Variants in GFRA1 observed in about 807,000 individuals in gnomAD.
GFRA1 encodes GDNF family receptor alpha-1.
In GFRA1, 16 loss-of-function variants were observed where a neutral mutation model predicts 51.6. The observed-to-expected ratio is 0.31, with a 90% CI of 0.21 to 0.47. GFRA1 has a LOEUF of 0.47. Ranked by LOEUF, GFRA1 falls within the 20% of genes least tolerant of loss-of-function variation. GFRA1 has a pLI of 1.00. For missense variants in GFRA1, 530 were observed against 594.3 expected, an observed-to-expected ratio of 0.89 and a Z score of 1.13; for synonymous variants, 270 against 241.3, an observed-to-expected ratio of 1.12 and a Z score of -1.10.
At chr10:116,088,085 C>G (rs1956172283) in intron 9 of GFRA1, among the ~76,000 whole-genome samples, 1 of 152,058 alleles carries the variant, frequency 6.6e-6, no homozygotes, top group Admixed American at 6.6e-5. Context: ...GACTGTGTGT[C>G]TGGGATGGAG....
chr10:116,142,715 TA>T (rs1958623957), intron 5 of GFRA1, among the ~76,000 whole-genome samples: 1 of 152,160 alleles, frequency 6.6e-6, no homozygotes, highest in Admixed American at 6.5e-5. Context: ...AACTATTGAT[TA>T]ATAATGTTTC....
intron 6 of GFRA1, among the ~76,000 whole-genome samples, chr10:116,100,194 C>A (rs555973971): frequency 6.6e-6 from 1 of 152,212 alleles, no homozygotes; most frequent in Non-Finnish European, 1.5e-5. Context: ...TAATCACACT[C>A]ACAGTAAGAC....
chr10:116,073,758 A>T (rs1442428562), intron 9 of GFRA1, among the ~76,000 whole-genome samples: 1 of 152,130 alleles, frequency 6.6e-6, no homozygotes, highest in Non-Finnish European at 1.5e-5. Context: ...TCACCATCAG[A>T]TAATATTTAT....
chr10:116,236,919 G>T (rs781751452), intron 4 of GFRA1, among the ~76,000 whole-genome samples: 1 of 152,154 alleles, frequency 6.6e-6, no homozygotes, highest in African/African-American at 2.4e-5. Flanking sequence ...AATGTAACCC[G>T]CATGCTTATT....
chr10:116,063,985 A>G lies in GFRA1; in HGVS notation c.*413T>C, dbSNP rs1468322318. ...TTAAAGGAGATATGGGAGTTACCTT[A>G]GAAATATTAACTCCTTCTCTAGCTA... On this transcript the variant is annotated 3_prime_UTR_variant, in exon 11 of 11. Transcript: ENST00000355422. 4 of 185,772 alleles carry G rather than the reference A, an allele frequency of 2.2e-5. No homozygotes were observed. Among genetic ancestry groups the G allele is most frequent in the Non-Finnish European group, 4.5e-5 (4 of 88,598 alleles). The allele number at this position is 185,772 out of a possible 1,614,324, so 11.5% of individuals were successfully genotyped here.
chr10:116,206,754 T>G (rs1964801479), intron 5 of GFRA1, among the ~76,000 whole-genome samples: 1 of 147,218 alleles, frequency 6.8e-6, no homozygotes, highest in African/African-American at 2.5e-5. Context: ...TTCCTCAGCC[T>G]CCCGAGTAGC....
intron 9 of GFRA1, among the ~76,000 whole-genome samples, chr10:116,080,451 TA>T (rs1400590144): frequency 2.0e-5 from 3 of 152,194 alleles, no homozygotes; most frequent in Non-Finnish European, 4.4e-5. Context: ...ACCATTAAAG[TA>T]CTTGTGTAAC....
intron 5 of GFRA1, among the ~76,000 whole-genome samples, chr10:116,174,074 C>T (rs574698728): frequency 1.3e-4 from 19 of 151,824 alleles, no homozygotes; most frequent in Admixed American, 9.8e-4. Flanking sequence ...GAGCGAAACT[C>T]CATTTCAAAA....
chr10:116,244,513 A>C (rs924515345), intron 4 of GFRA1, among the ~76,000 whole-genome samples: 1 of 148,146 alleles, frequency 6.8e-6, no homozygotes, highest in African/African-American at 2.4e-5. Context: ...CCTATATATA[A>C]AAATATATAA....
intron 4 of GFRA1, among the ~76,000 whole-genome samples, chr10:116,240,783 C>G (rs1033419702): frequency 1.3e-5 from 2 of 152,118 alleles, no homozygotes; most frequent in Non-Finnish European, 2.9e-5. Flanking sequence ...TGGGCTGTCT[C>G]GACAAACATC....
chr10:116,268,063 G>C (rs952354598), intron 4 of GFRA1, among the ~76,000 whole-genome samples: 4 of 152,122 alleles, frequency 2.6e-5, no homozygotes, highest in African/African-American at 9.7e-5. Flanking sequence ...TAGGGATCTT[G>C]TTAAAATGTG....
intron 9 of GFRA1, among the ~76,000 whole-genome samples, chr10:116,083,392 C>T (rs1368693765): frequency 3.9e-5 from 6 of 152,356 alleles, no homozygotes; most frequent in East Asian, 1.9e-4. Context: ...GGCTCTCAAG[C>T]GCCTCTTCTC....
chr10:116,141,120 G>C (rs996087154), intron 5 of GFRA1, among the ~76,000 whole-genome samples: 3 of 152,206 alleles, frequency 2.0e-5, no homozygotes. Context: ...TAATGTTCAC[G>C]TAAAGATTTC....
Position 116,176,551 on chromosome 10 carries a change from T to C in GFRA1, c.433+35080A>G, listed in dbSNP as rs555889016. 2.6e-5 allele frequency among the ~76,000 whole-genome samples: 4 copies of C among 152,270 alleles called. No homozygotes were observed. In the East Asian group the frequency reaches 7.7e-4, roughly 29 times the overall value. ...CTCCCCCTTTACCTTCTGCCATGAT[T>C]GAAAGCTTCCTGAGGCCTCACAGAA... On this transcript the variant is annotated intron_variant, in intron 5 of 10. Transcript: ENST00000355422.
At chr10:116,064,684 C>T in intron 10 of GFRA1, 140 bp from the exon 11 acceptor site, 3 of 751,384 alleles carry the variant, frequency 4.0e-6, no homozygotes, top group South Asian at 2.9e-5. Context: ...CTGAGACTTA[C>T]ATTCACTGAC....
At chr10:116,191,127 TATG>T (rs1963221689) in intron 5 of GFRA1, among the ~76,000 whole-genome samples, 1 of 152,202 alleles carries the variant, frequency 6.6e-6, no homozygotes, top group African/African-American at 2.4e-5. Flanking sequence ...ACAAGCCTTC[TATG>T]ATGACAGCCT....
chr10:116,066,590 C>G (rs1369458161), intron 9 of GFRA1, among the ~76,000 whole-genome samples: 1 of 152,192 alleles, frequency 6.6e-6, no homozygotes, highest in Admixed American at 6.5e-5. Context: ...CAAAGGAAAA[C>G]AGAGCCCAGA....
chr10:116,084,999 C>T (rs746432841), intron 9 of GFRA1, among the ~76,000 whole-genome samples: 30 of 152,288 alleles, frequency 2.0e-4, no homozygotes, highest in Non-Finnish European at 1.0e-4. Flanking sequence ...ATATGACTGC[C>T]AATTAATCCT....
intron 9 of GFRA1, among the ~76,000 whole-genome samples, chr10:116,072,471 G>A (rs1955443613): frequency 6.6e-6 from 1 of 152,132 alleles, no homozygotes. Context: ...GGTAAAAAGA[G>A]CACAGGTTGG....
Sources: allele counts gnomAD v4.1 joint callset (sites outside exome capture counted in the v4.1 genomes callset), GRCh38; gene constraint gnomAD v4.1.1; transcripts MANE v1.5; gene names NCBI Gene and HGNC (gene_info 2026-07-23, HGNC 2026-07-21).